The following NAV2 variants were observed in gnomAD, a reference collection of about 807,000 sequenced individuals.
NAV2 encodes the protein helicase, APC down-regulated 1.
Under a neutral mutation model 223.2 loss-of-function variants are expected in NAV2, and 54 were observed. The ratio of observed to expected loss-of-function variants is 0.24; its 90% CI spans 0.19 to 0.30. The LOEUF is 0.30. Ranked by LOEUF, NAV2 falls within the 10% of genes least tolerant of loss-of-function variation. The probability of loss-of-function intolerance (pLI) is 1.00; values close to 1 mark genes in which losing one functional copy is unlikely to be tolerated. For missense variants in NAV2, 2,806 were observed against 3,147.5 expected (o/e 0.89, Z 2.60); for synonymous variants, 1,279 against 1,239.3 (o/e 1.03, Z -0.67).
At chr11:19,763,831 C>A (rs376651592) in intron 1 of NAV2, among the ~76,000 whole-genome samples, 4 of 150,764 alleles carry the variant, frequency 2.7e-5, no homozygotes, top group Admixed American at 6.6e-5. Context: ...AAGTTACATA[C>A]CCCTTTGGTA....
chr11:19,853,797 T>A (rs557933865), intron 3 of NAV2, among the ~76,000 whole-genome samples: 5 of 151,938 alleles, frequency 3.3e-5, no homozygotes, highest in Non-Finnish European at 7.4e-5. Flanking sequence ...GATAATTCTT[T>A]AGGACACTGG....
chr11:19,457,649 T>A (rs1428913842), intron 1 of NAV2, among the ~76,000 whole-genome samples: 1 of 151,726 alleles, frequency 6.6e-6, no homozygotes, highest in Non-Finnish European at 1.5e-5. Flanking sequence ...AAGTGAAGGG[T>A]GAATTGTAGG....
intron 11 of NAV2, among the ~76,000 whole-genome samples, chr11:20,009,173 G>A (rs191470223): frequency 9.9e-5 from 15 of 152,256 alleles, no homozygotes; most frequent in Admixed American, 4.6e-4. Flanking sequence ...GGAGGTCTGA[G>A]GTTTAACCTT....
At chr11:19,900,627 C>T (rs906783877) in intron 6 of NAV2, among the ~76,000 whole-genome samples, 1 of 152,068 alleles carries the variant, frequency 6.6e-6, no homozygotes, top group African/African-American at 2.4e-5. Flanking sequence ...TATGTAACAG[C>T]CCCATAAGTA....
chr11:19,432,952 C>G (rs1160432553), intron 1 of NAV2, among the ~76,000 whole-genome samples: 1 of 152,182 alleles, frequency 6.6e-6, no homozygotes, highest in East Asian at 1.9e-4. Context: ...GTCCTGAAGG[C>G]ACTGATGTTA....
chr11:19,777,104 C>T lies in NAV2; in HGVS notation c.268-55380C>T, dbSNP rs973891940. 1.2e-3 allele frequency among the ~76,000 whole-genome samples: 175 copies of T among 144,168 alleles called. 1 individual carries two copies. Among genetic ancestry groups the T allele is most frequent in the Middle Eastern group, 0.011 (3 of 272 alleles). 94.6% of individuals were successfully genotyped at this position (144,168 alleles called of 152,430 possible). ...CTCACCAGCCGCCGACCCCCCCCCCCACCCCGCCCTCGGCCGCCGCGGCCC... is the reference window on the plus strand; with the variant it reads ...CTCACCAGCCGCCGACCCCCCCCCCTACCCCGCCCTCGGCCGCCGCGGCCC... On this transcript the variant is annotated intron_variant, in intron 1 of 37. Transcript: ENST00000349880.
intron 1 of NAV2, among the ~76,000 whole-genome samples, chr11:19,664,106 TA>T (rs1468880029): frequency 6.6e-6 from 1 of 152,218 alleles, no homozygotes. Flanking sequence ...GCTATACAGG[TA>T]GGGAACCAGA....
At chr11:19,695,359 G>A (rs1446257886) in intron 1 of NAV2, among the ~76,000 whole-genome samples, 2 of 152,076 alleles carry the variant, frequency 1.3e-5, no homozygotes, top group Non-Finnish European at 2.9e-5. Context: ...CCGTAAACAG[G>A]GAATGACAAT....
intron 12 of NAV2, among the ~76,000 whole-genome samples, chr11:20,041,952 A>G (rs539741870): frequency 1.3e-5 from 2 of 152,228 alleles, no homozygotes; most frequent in South Asian, 4.2e-4. Flanking sequence ...TTTCCTTATA[A>G]TAGTCTTCGT....
At chr11:19,934,772 G>A (rs1328307279) in intron 7 of NAV2, among the ~76,000 whole-genome samples, 1 of 152,070 alleles carries the variant, frequency 6.6e-6, no homozygotes, top group Non-Finnish European at 1.5e-5. Flanking sequence ...TGAGTGCTGG[G>A]GCTTTCTGAA....
intron 1 of NAV2, among the ~76,000 whole-genome samples, chr11:19,748,548 G>A (rs1349537709): frequency 2.6e-5 from 4 of 152,206 alleles, no homozygotes; most frequent in African/African-American, 4.8e-5. Flanking sequence ...AGGGACAAGG[G>A]CCAGGCTTGT....
chr11:19,623,610 C>A (rs952246686), intron 1 of NAV2, among the ~76,000 whole-genome samples: 1 of 152,216 alleles, frequency 6.6e-6, no homozygotes. Context: ...TGGTTTTCAG[C>A]TCCATCAGGT....
chr11:19,532,751 G>A (rs1353067182), intron 1 of NAV2, among the ~76,000 whole-genome samples: 1 of 152,158 alleles, frequency 6.6e-6, no homozygotes, highest in Non-Finnish European at 1.5e-5. Flanking sequence ...AGTAGCATGT[G>A]GCTGGAGCCC....
chr11:19,473,444 T>G (rs1056033514), intron 1 of NAV2, among the ~76,000 whole-genome samples: 6 of 152,196 alleles, frequency 3.9e-5, no homozygotes, highest in African/African-American at 1.4e-4. Context: ...CAGCATATAC[T>G]TTCAGGTTTT....
intron 1 of NAV2, among the ~76,000 whole-genome samples, chr11:19,529,922 T>C (rs145718865): frequency 3.0e-4 from 46 of 152,364 alleles, no homozygotes; most frequent in Middle Eastern, 3.4e-3. Flanking sequence ...ACATCTTTTT[T>C]ACTACCATTG....
At chr11:19,909,993 G>T (rs752263802) in intron 6 of NAV2, among the ~76,000 whole-genome samples, 40 of 152,132 alleles carry the variant, frequency 2.6e-4, no homozygotes, top group Non-Finnish European at 4.1e-4. Flanking sequence ...CAAAGAAAAT[G>T]GTAACAGTCA....
intron 1 of NAV2, among the ~76,000 whole-genome samples, chr11:19,522,870 G>A (rs923187387): frequency 9.9e-5 from 15 of 152,176 alleles, no homozygotes; most frequent in Admixed American, 6.5e-4. Context: ...AGAGCTCAGC[G>A]TCCTCCATAT....
chr11:19,350,926 G>T (rs1564868574), exon 1 of NAV2: 2 of 1,550,442 alleles, frequency 1.3e-6, no homozygotes, highest in South Asian at 2.4e-5. Flanking sequence ...CATCGCTGAA[G>T]GAGAGAGAGG....
At chr11:19,848,126 C>T (rs2060907104) in intron 3 of NAV2, among the ~76,000 whole-genome samples, 1 of 152,168 alleles carries the variant, frequency 6.6e-6, no homozygotes, top group Admixed American at 6.5e-5. Context: ...TCACCCTGTC[C>T]TTTCAGGGAG....
Sources: allele counts gnomAD v4.1 joint callset (sites outside exome capture counted in the v4.1 genomes callset), GRCh38; gene constraint gnomAD v4.1.1; transcripts MANE v1.5; gene names NCBI Gene and HGNC (gene_info 2026-07-23, HGNC 2026-07-21).